Variants in OPCML observed in about 807,000 individuals in gnomAD.
The protein encoded by OPCML is opioid-binding protein/cell adhesion molecule.
A neutral mutation model predicts 37.8 loss-of-function variants in OPCML; 13 were observed. The observed-to-expected ratio is 0.34, with a 90% CI of 0.22 to 0.55. The LOEUF (loss-of-function observed/expected upper bound fraction) is 0.55. Ranked by LOEUF, OPCML falls within the 20% of genes least tolerant of loss-of-function variation. OPCML has a pLI of 0.91. For missense variants in OPCML, 341 were observed against 435.6 expected (o/e 0.78, Z 1.93); for synonymous variants, 176 against 168.8 (o/e 1.04, Z -0.33).
chr11:133,262,495 A>T (rs1460688793), intron 1 of OPCML, among the ~76,000 whole-genome samples: 1 of 152,212 alleles, frequency 6.6e-6, no homozygotes, highest in Non-Finnish European at 1.5e-5. Context: ...GGGAAATCAG[A>T]TGTTAGATCC....
At chr11:133,425,368 C>A (rs185309168) in intron 1 of OPCML, among the ~76,000 whole-genome samples, 45 of 152,298 alleles carry the variant, frequency 3.0e-4, no homozygotes, top group Admixed American at 2.1e-3. Context: ...ATTTTGTGGT[C>A]TCCTTGGGGT....
In OPCML at chr11:132,912,157, TA is replaced by T. The variant is rs11390129; in HGVS notation, c.146+30768del. 8.1e-4 allele frequency among the ~76,000 whole-genome samples: 120 copies of T among 147,584 alleles called. 2 individuals carry two copies. The highest frequency in any genetic ancestry group is 6.2e-3 in the South Asian group (29 of 4,686). On this transcript the variant is annotated intron_variant, in intron 2 of 7. Coordinates refer to ENST00000524381, the MANE Select transcript of OPCML (RefSeq NM_001012393.5). ...GAAATAAAGTCCTTCAAGACTCCAA[TA>T]AAAAAAAAAGACAAATAAATAGCTA...
intron 1 of OPCML, among the ~76,000 whole-genome samples, chr11:133,256,518 A>G (rs1168623297): frequency 6.6e-6 from 1 of 152,254 alleles, no homozygotes; most frequent in Non-Finnish European, 1.5e-5. Context: ...ACTGTAGACT[A>G]TGACAATAAT....
rs775956842 is a variant in OPCML at position 132,675,868 on chromosome 11, A to T, written c.147-18549T>A. Among the ~76,000 whole-genome samples the T allele has an allele frequency of 5.3e-5, 8 of 152,180 alleles. 1 individual carries two copies. The highest frequency in any genetic ancestry group is 9.6e-5 in the African/African-American group (4 of 41,474). ...TATTGTGAAGATGGTCATATTTCCC[A>T]AACTGTTCTACAGAGTCGATGCAGT... On this transcript the variant is annotated intron_variant, in intron 2 of 7. Coordinates refer to ENST00000524381, the MANE Select transcript of OPCML (RefSeq NM_001012393.5).
At chr11:132,570,699 C>T (rs967744490) in intron 3 of OPCML, among the ~76,000 whole-genome samples, 2 of 130,622 alleles carry the variant, frequency 1.5e-5, no homozygotes, top group Admixed American at 8.4e-5. Context: ...CATATGTGTG[C>T]ATGAAAAATT....
chr11:132,589,374 GT>G (rs1020786446), intron 3 of OPCML, among the ~76,000 whole-genome samples: 23 of 152,138 alleles, frequency 1.5e-4, no homozygotes, highest in African/African-American at 5.6e-4. Flanking sequence ...TTCAACAAAT[GT>G]TTATTTACTG....
At chr11:132,942,451 G>A (rs973622935) in intron 2 of OPCML, among the ~76,000 whole-genome samples, 7 of 152,162 alleles carry the variant, frequency 4.6e-5, no homozygotes, top group Non-Finnish European at 8.8e-5. Flanking sequence ...ACTCATAACA[G>A]GCCGTGGGCT....
At chr11:133,039,723 G>C (rs1388284289) in intron 1 of OPCML, among the ~76,000 whole-genome samples, 1 of 152,112 alleles carries the variant, frequency 6.6e-6, no homozygotes, top group African/African-American at 2.4e-5. Context: ...CCAATCATCA[G>C]GCAGACGTCG....
rs530830243 is a variant in OPCML, at chr11:133,151,350, T to C, written c.62-208340A>G. ...TTAAAAGAGGAAAACAAGGATCTAATGGGCCTCAGAGGCTCCCACACAATT... is the reference window on the plus strand; with the variant it reads ...TTAAAAGAGGAAAACAAGGATCTAACGGGCCTCAGAGGCTCCCACACAATT... On this transcript the variant is annotated intron_variant, in intron 1 of 7. Coordinates refer to ENST00000524381, the MANE Select transcript of OPCML (RefSeq NM_001012393.5). Among the ~76,000 whole-genome samples the C allele has an allele frequency of 2.0e-5, 3 of 152,000 alleles. No homozygotes were observed. In the East Asian group the frequency reaches 5.8e-4, roughly 29 times the overall value.
intron 1 of OPCML, among the ~76,000 whole-genome samples, chr11:133,368,250 G>A (rs886686005): frequency 1.3e-5 from 2 of 151,694 alleles, no homozygotes; most frequent in African/African-American, 4.8e-5. Context: ...GTGAGGTGGG[G>A]GGGGGAAGGA....
At chr11:132,658,712 A>C (rs1407839111) in intron 2 of OPCML, among the ~76,000 whole-genome samples, 1 of 152,342 alleles carries the variant, frequency 6.6e-6, no homozygotes, top group Middle Eastern at 3.4e-3. Flanking sequence ...TTTTCTAAAT[A>C]AGCATGTGAA....
chr11:133,484,742 T>G (rs1293774589), intron 1 of OPCML, among the ~76,000 whole-genome samples: 2 of 152,142 alleles, frequency 1.3e-5, no homozygotes, highest in Non-Finnish European at 2.9e-5. Context: ...CATATCCAAG[T>G]AGAGTTCATG....
chr11:133,293,472 AG>A (rs532652588), intron 1 of OPCML, among the ~76,000 whole-genome samples: 59 of 152,312 alleles, frequency 3.9e-4, no homozygotes, highest in Non-Finnish European at 4.7e-4. Flanking sequence ...TAATTCTTAG[AG>A]GTGTGGGGGC....
intron 1 of OPCML, among the ~76,000 whole-genome samples, chr11:133,359,405 G>A (rs141189754): frequency 2.0e-5 from 3 of 152,264 alleles, no homozygotes; most frequent in African/African-American, 7.2e-5. Flanking sequence ...AAGTGAAAAA[G>A]CCCTGCAGCA....
chr11:133,331,392 C>T (rs754015916), intron 1 of OPCML, among the ~76,000 whole-genome samples: 3 of 152,166 alleles, frequency 2.0e-5, no homozygotes, highest in Non-Finnish European at 4.4e-5. Flanking sequence ...GGAGGAGTGT[C>T]GCCATTTCCA....
At chr11:133,414,804 C>T (rs867691033) in intron 1 of OPCML, among the ~76,000 whole-genome samples, 2 of 152,132 alleles carry the variant, frequency 1.3e-5, no homozygotes, top group South Asian at 2.1e-4. Context: ...CTCTCAACCC[C>T]AGTATTCTCT....
rs59809002 is a variant in OPCML at position 133,040,201 on chromosome 11, A to G, written c.62-97191T>C. 3.3e-3 allele frequency among the ~76,000 whole-genome samples: 499 copies of G among 151,840 alleles called. 4 individuals are homozygous for G. Among genetic ancestry groups the G allele is most frequent in the African/African-American group, 0.012 (479 of 41,378 alleles). ...TGGCATTTTTAAACCACACTATTTG[A>G]CCCCCTTAAATAAAAATATTTTCAC... On this transcript the variant is annotated intron_variant, in intron 1 of 7. Transcript: ENST00000524381.
At chr11:132,452,043 G>A (rs1278633055) in intron 4 of OPCML, among the ~76,000 whole-genome samples, 1 of 152,038 alleles carries the variant, frequency 6.6e-6, no homozygotes, top group Non-Finnish European at 1.5e-5. Flanking sequence ...GACAGGCTAG[G>A]CTATTGGATA....
At chr11:133,207,253 T>G (rs557807624) in intron 1 of OPCML, among the ~76,000 whole-genome samples, 1 of 151,498 alleles carries the variant, frequency 6.6e-6, no homozygotes, top group African/African-American at 2.4e-5. Context: ...TGAGCCGAGA[T>G]CAAGCCACTG....
Sources: allele counts gnomAD v4.1 joint callset (sites outside exome capture counted in the v4.1 genomes callset), GRCh38; gene constraint gnomAD v4.1.1; transcripts MANE v1.5; gene names NCBI Gene and HGNC (gene_info 2026-07-23, HGNC 2026-07-21).